Variants in GNAO1 observed in about 807,000 individuals in gnomAD.
GNAO1 encodes guanine nucleotide-binding protein G(o) subunit alpha.
For missense variants in GNAO1, 166 were observed against 478.7 expected, an observed-to-expected ratio of 0.35 and a Z score of 6.10; for synonymous variants, 164 against 180.7, an observed-to-expected ratio of 0.91 and a Z score of 0.74.
intron 3 of GNAO1, among the ~76,000 whole-genome samples, chr16:56,285,855 A>T (rs1247669051): frequency 1.3e-5 from 2 of 152,128 alleles, no homozygotes; most frequent in African/African-American, 4.8e-5. Context: ...ACTGTGAGAG[A>T]TCTCTCTCCC....
chr16:56,324,318 C>G (rs1277319882), intron 3 of GNAO1, among the ~76,000 whole-genome samples: 1 of 152,220 alleles, frequency 6.6e-6, no homozygotes, highest in Admixed American at 6.5e-5. Flanking sequence ...GTGTGATCCT[C>G]AGGTCCAGGG....
chr16:56,294,658 G>A (rs1347607121), intron 3 of GNAO1, among the ~76,000 whole-genome samples: 7 of 152,150 alleles, frequency 4.6e-5, no homozygotes, highest in Admixed American at 2.6e-4. Context: ...GGTCACGTTG[G>A]GAGGGTATGT....
In GNAO1 at chr16:56,291,075, A is replaced by T. The variant is rs113355828; in HGVS notation, c.303+15003A>T. Among the ~76,000 whole-genome samples, 1,154 of 152,286 alleles carry T rather than the reference A, an allele frequency of 7.6e-3. 8 individuals carry two copies. Among genetic ancestry groups the T allele is most frequent in the Non-Finnish European group, 0.01 (691 of 68,016 alleles). On this transcript the variant is annotated intron_variant, in intron 3 of 8. Transcript: ENST00000262493. ...GCTACTATGAATAATGCTGCTGTGA[A>T]CATTCATGTACAAGTTTTGTACAGA...
chr16:56,250,109 C>A (rs1242181661), intron 2 of GNAO1, among the ~76,000 whole-genome samples: 1 of 152,006 alleles, frequency 6.6e-6, no homozygotes, highest in African/African-American at 2.4e-5. Flanking sequence ...GAAGGGAGGG[C>A]GTTCTAGGTG....
Position 56,269,422 on chromosome 16 carries a change from C to T in GNAO1, c.162-6509C>T, listed in dbSNP as rs536503275. Among the ~76,000 whole-genome samples, 31 of 152,284 alleles carry T rather than the reference C, an allele frequency of 2.0e-4. No homozygotes were observed. The South Asian group carries it at 6.2e-3, about 31-fold the overall frequency. On this transcript the variant is annotated intron_variant, in intron 2 of 8. Transcript: ENST00000262493. ...GGACGCCTGACTGACTGCACGTTCTCCCCCGTCCCTCGTACCAAGTATGGC... is the reference window on the plus strand; with the variant it reads ...GGACGCCTGACTGACTGCACGTTCTTCCCCGTCCCTCGTACCAAGTATGGC...
intron 2 of GNAO1, among the ~76,000 whole-genome samples, chr16:56,236,742 C>T (rs757530810): frequency 6.6e-6 from 1 of 152,192 alleles, no homozygotes; most frequent in Non-Finnish European, 1.5e-5. Flanking sequence ...CCTCTGTAAT[C>T]GCCAAATACC....
At chr16:56,251,217 T>C (rs942877325) in intron 2 of GNAO1, among the ~76,000 whole-genome samples, 1 of 152,234 alleles carries the variant, frequency 6.6e-6, no homozygotes, top group Non-Finnish European at 1.5e-5. Context: ...AATTCAGTTA[T>C]TTGTCCAGGA....
intron 2 of GNAO1, 117 bp downstream of exon 2, chr16:56,192,733 C>A: frequency 1.5e-6 from 1 of 669,276 alleles, no homozygotes. Flanking sequence ...CGTGCACACA[C>A]ACACACACAC....
chr16:56,316,577 C>T (rs1469824275), intron 3 of GNAO1, among the ~76,000 whole-genome samples: 2 of 152,190 alleles, frequency 1.3e-5, no homozygotes, highest in Non-Finnish European at 2.9e-5. Context: ...GCCTGGGTCT[C>T]GCCTCACCTC....
chr16:56,278,723 C>G (rs1367085683), intron 3 of GNAO1, among the ~76,000 whole-genome samples: 5 of 152,090 alleles, frequency 3.3e-5, no homozygotes, highest in African/African-American at 1.2e-4. Flanking sequence ...GATGTGAGAG[C>G]CTGATCTGGG....
intron 2 of GNAO1, among the ~76,000 whole-genome samples, chr16:56,205,140 A>G (rs1383934397): frequency 6.6e-6 from 1 of 152,198 alleles, no homozygotes; most frequent in Admixed American, 6.5e-5. Context: ...TGTACTCTCC[A>G]CTGAGAATGT....
At chr16:56,217,920 C>G (rs139614195) in intron 2 of GNAO1, among the ~76,000 whole-genome samples, 1 of 152,108 alleles carries the variant, frequency 6.6e-6, no homozygotes, top group African/African-American at 2.4e-5. Context: ...AAATTAACAG[C>G]AATGCATGGT....
At chr16:56,214,907 G>A (rs1029326373) in intron 2 of GNAO1, among the ~76,000 whole-genome samples, 1 of 152,218 alleles carries the variant, frequency 6.6e-6, no homozygotes, top group African/African-American at 2.4e-5. Flanking sequence ...AGTCTCCTCA[G>A]CTGCCTTCTA....
At chr16:56,205,266 A>G (rs539329045) in intron 2 of GNAO1, among the ~76,000 whole-genome samples, 69 of 152,324 alleles carry the variant, frequency 4.5e-4, no homozygotes, top group Middle Eastern at 6.8e-3. Flanking sequence ...TACAAAGACA[A>G]AACAACTCCT....
chr16:56,221,839 C>G (rs2036492173), intron 2 of GNAO1, among the ~76,000 whole-genome samples: 1 of 152,018 alleles, frequency 6.6e-6, no homozygotes, highest in African/African-American at 2.4e-5. Context: ...GTACACATGT[C>G]AATGTCCTGT....
intron 2 of GNAO1, chr16:56,193,981 TTTC>T: frequency 5.2e-6 from 2 of 382,342 alleles, no homozygotes; most frequent in South Asian, 3.8e-5. Context: ...TAAAAACCCC[TTTC>T]GTGGGAAGGT....
chr16:56,282,319 A>T (rs1445282628), intron 3 of GNAO1, among the ~76,000 whole-genome samples: 1 of 152,222 alleles, frequency 6.6e-6, no homozygotes, highest in African/African-American at 2.4e-5. Flanking sequence ...CGTGCATAGG[A>T]TAGTGCCTGT....
chr16:56,338,869 A>G (rs190603018), intron 6 of GNAO1, among the ~76,000 whole-genome samples: 1 of 152,334 alleles, frequency 6.6e-6, no homozygotes, highest in Admixed American at 6.5e-5. Context: ...TGCCTGGAGC[A>G]CTTGCCCTCC....
chr16:56,265,961 G>A (rs1020991110), intron 2 of GNAO1, among the ~76,000 whole-genome samples: 2 of 152,004 alleles, frequency 1.3e-5, no homozygotes, highest in Non-Finnish European at 2.9e-5. Flanking sequence ...AGGTGCCCCG[G>A]GGCCTTTGCT....
Sources: gnomAD v4.1 joint callset for allele counts (sites outside exome capture counted in the v4.1 genomes callset) on GRCh38, gnomAD v4.1.1 for gene constraint, MANE v1.5 for transcripts, NCBI Gene and HGNC (gene_info 2026-07-23, HGNC 2026-07-21) for gene names.